The following TRAPPC8 variants were observed in gnomAD, a reference collection of about 807,000 sequenced individuals.
TRAPPC8 encodes trafficking protein particle complex subunit 8, also known as general sporulation gene 1 homolog.
In TRAPPC8, 54 loss-of-function variants were observed where a neutral mutation model predicts 174.3. The observed-to-expected ratio is 0.31, with a 90% CI of 0.25 to 0.39. The LOEUF (loss-of-function observed/expected upper bound fraction) is 0.39, where lower values mean the gene tolerates loss of function less well. Among genes scored for constraint, TRAPPC8 ranks in the 10% least tolerant of loss-of-function variants. The pLI, the probability that TRAPPC8 is intolerant of heterozygous loss-of-function variation, is 1.00. For synonymous variants in TRAPPC8, 630 were observed against 579.9 expected (o/e 1.09, Z -1.24); for missense variants, 1,531 against 1,699.1 (o/e 0.90, Z 1.74).
rs2032228449 is a variant in TRAPPC8, at chr18:31,829,218, T to C, written c.*1537A>G. ...GTAATTTTGAGTGCTTTATTACCTT[T>C]ATTTTTAATATATTCAGTTGTAGGT... On this transcript the variant is annotated 3_prime_UTR_variant, in exon 29 of 29. Coordinates refer to ENST00000283351, the MANE Select transcript of TRAPPC8 (RefSeq NM_014939.5). 1 of 152,246 alleles carries C rather than the reference T, an allele frequency of 6.6e-6. No individual in the cohort carries two copies. Among genetic ancestry groups the C allele is most frequent in the South Asian group, 2.1e-4 (1 of 4,830 alleles). 9.4% of individuals were successfully genotyped at this position (152,246 alleles called of 1,614,324 possible).
intron 12 of TRAPPC8, among the ~76,000 whole-genome samples, chr18:31,882,277 A>G (rs1208037631): frequency 1.3e-5 from 2 of 152,228 alleles, no homozygotes; most frequent in African/African-American, 4.8e-5. Context: ...ACGGCCATAA[A>G]AAAGAATGGT....
Position 31,858,118 on chromosome 18 carries a change from AAT to A in TRAPPC8, c.2746-138_2746-137del, listed in dbSNP as rs1185968997. On this transcript the variant is annotated intron_variant, in intron 19 of 28. Transcript: ENST00000283351. ...TCATTAATTCTTTGGTATCTCCCTG[AAT>A]ATGTGGCAGTTAATGACTCCATTTT... 5.8e-6 allele frequency: 4 copies of A among 695,018 alleles called. No homozygotes were observed. In the African/African-American group the frequency reaches 7.2e-5, roughly 13 times the overall value. 43.1% of individuals were successfully genotyped at this position (695,018 alleles called of 1,614,324 possible). A position where few individuals can be genotyped will look rare whatever the true frequency, so the allele number is the denominator to read the frequency against.
At chr18:31,933,212 A>G (rs370047743) in intron 1 of TRAPPC8, among the ~76,000 whole-genome samples, 36 of 150,554 alleles carry the variant, frequency 2.4e-4, no homozygotes, top group African/African-American at 8.3e-4. Flanking sequence ...GAAGCAGGAG[A>G]ATGGTGTGAA....
Position 31,830,098 on chromosome 18 carries a change from C to T in TRAPPC8, c.*657G>A, listed in dbSNP as rs1462377280. 1 of 152,466 alleles carries T rather than the reference C, an allele frequency of 6.6e-6. No individual in the cohort carries two copies. Among genetic ancestry groups the T allele is most frequent in the Admixed American group, 6.5e-5 (1 of 15,276 alleles). 9.4% of individuals were successfully genotyped at this position (152,466 alleles called of 1,614,324 possible). On this transcript the variant is annotated 3_prime_UTR_variant, in exon 29 of 29. Transcript: ENST00000283351. ...ATAAAGAATATGGTAATTTTAATGA[C>T]AAAAATCGTATTGTGAAATAGCGCA... is the stretch of plus-strand genomic sequence containing the variant.
intron 12 of TRAPPC8, among the ~76,000 whole-genome samples, chr18:31,875,515 G>C (rs140706785): frequency 1.2e-3 from 180 of 152,292 alleles, no homozygotes; most frequent in African/African-American, 4.2e-3. Flanking sequence ...GGCTAGGACA[G>C]CAGCACAGTA....
At chr18:31,871,219 T>G in intron 14 of TRAPPC8, 99 bp from the exon 15 acceptor site, 2 of 571,646 alleles carry the variant, frequency 3.5e-6, no homozygotes, top group South Asian at 4.7e-5. Flanking sequence ...AATATATATA[T>G]ATACATTCAC....
intron 19 of TRAPPC8, among the ~76,000 whole-genome samples, chr18:31,860,210 T>C (rs115737342): frequency 0.011 from 1,656 of 152,306 alleles, 31 homozygotes; most frequent in African/African-American, 0.038. Context: ...GGATTATTCA[T>C]TGTGGCTTTG....
rs184179578 is a variant in TRAPPC8 at position 31,901,037 on chromosome 18, G to T, written c.1390-12C>A. ...ACTGCTGCCATTTCCTAAAATAAAA[G>T]ACATAGTTTACATATTTCAAAAGAA... On this transcript the variant is annotated splice_polypyrimidine_tract_variant and intron_variant, in intron 9 of 28. Transcript: ENST00000283351. 1.4e-4 allele frequency: 221 copies of T among 1,574,374 alleles called. No individual in the cohort carries two copies. In the African/African-American group the frequency reaches 2.3e-3, roughly 16 times the overall value.
intron 12 of TRAPPC8, among the ~76,000 whole-genome samples, chr18:31,880,053 A>G (rs1381650682): frequency 7.1e-6 from 1 of 139,988 alleles, no homozygotes; most frequent in Non-Finnish European, 1.5e-5. Flanking sequence ...CACAAAGAAG[A>G]GCTGGTACCA....
At chr18:31,894,151 T>C (rs1712407607) in intron 11 of TRAPPC8, among the ~76,000 whole-genome samples, 1 of 152,220 alleles carries the variant, frequency 6.6e-6, no homozygotes, top group Admixed American at 6.5e-5. Flanking sequence ...GGAGAATCAG[T>C]TTCTAGACTG....
chr18:31,898,206 G>T (rs1253248042), intron 10 of TRAPPC8, among the ~76,000 whole-genome samples: 10 of 151,656 alleles, frequency 6.6e-5, no homozygotes, highest in African/African-American at 2.4e-4. Flanking sequence ...TTAAATTTTT[G>T]TATTGTTATT....
At chr18:31,918,990 T>G (rs1032183152) in intron 2 of TRAPPC8, among the ~76,000 whole-genome samples, 6 of 152,216 alleles carry the variant, frequency 3.9e-5, no homozygotes, top group Admixed American at 2.6e-4. Context: ...AGCAAATATA[T>G]TCTTTCTGCT....
intron 19 of TRAPPC8, among the ~76,000 whole-genome samples, chr18:31,858,516 C>A (rs181468803): frequency 2.0e-5 from 3 of 152,248 alleles, no homozygotes; most frequent in Admixed American, 2.0e-4. Context: ...CATGTGGGGG[C>A]AAAACCTGAC....
intron 26 of TRAPPC8, among the ~76,000 whole-genome samples, chr18:31,843,953 G>A (rs2144995360): frequency 6.6e-6 from 1 of 152,242 alleles, no homozygotes; most frequent in East Asian, 1.9e-4. Context: ...CAGAGTATGA[G>A]GACCAAAGGA....
chr18:31,854,965 C>CAAAAAA (rs71175798), intron 21 of TRAPPC8, among the ~76,000 whole-genome samples: 2 of 45,632 alleles, frequency 4.4e-5, no homozygotes, highest in African/African-American at 9.6e-5. Flanking sequence ...GACTCCATCT[C>CAAAAAA]AAAAAAAAAA....
At chr18:31,930,355 A>G (rs1206616127) in intron 2 of TRAPPC8, among the ~76,000 whole-genome samples, 3 of 152,032 alleles carry the variant, frequency 2.0e-5, no homozygotes, top group Non-Finnish European at 4.4e-5. Context: ...CCTGACCTCA[A>G]GTGATCCGCC....
At chr18:31,886,624 C>G (rs1278749870) in intron 12 of TRAPPC8, among the ~76,000 whole-genome samples, 1 of 152,088 alleles carries the variant, frequency 6.6e-6, no homozygotes, top group Non-Finnish European at 1.5e-5. Context: ...TACTTTCATG[C>G]CACTTCTTTT....
intron 1 of TRAPPC8, 34 bp downstream of exon 1, chr18:31,942,574 G>A (rs190665070): frequency 3.3e-6 from 5 of 1,494,468 alleles, no homozygotes; most frequent in Middle Eastern, 1.8e-4. Context: ...ACGGCTTTGC[G>A]GGAGCCCACT....
At chr18:31,880,121 ATTTTTTTT>A (rs56728828) in intron 12 of TRAPPC8, among the ~76,000 whole-genome samples, 2 of 69,054 alleles carry the variant, frequency 2.9e-5, no homozygotes, top group African/African-American at 1.2e-4. Context: ...ATATATATAT[ATTTTTTTT>A]TTTTTAAGGA....
Sources: gnomAD v4.1 joint callset for allele counts (sites outside exome capture counted in the v4.1 genomes callset) on GRCh38, gnomAD v4.1.1 for gene constraint, MANE v1.5 for transcripts, NCBI Gene and HGNC (gene_info 2026-07-23, HGNC 2026-07-21) for gene names.